Variants in MTARC2 observed in about 807,000 individuals in gnomAD.
The protein encoded by MTARC2 is MOCO sulphurase C-terminal domain containing 2.
Under a neutral mutation model 35.6 loss-of-function variants are expected in MTARC2, and 27 were observed. The observed-to-expected ratio is 0.76, with a 90% CI of 0.56 to 1.04. MTARC2 has a LOEUF of 1.04. Among genes scored for constraint, MTARC2 ranks in the 50% least tolerant of loss-of-function variants. The probability of loss-of-function intolerance (pLI) is 0.00; values close to 1 mark genes in which losing one functional copy is unlikely to be tolerated. For synonymous variants in MTARC2, 158 were observed against 167.1 expected (o/e 0.95, Z 0.42); for missense variants, 412 against 432.5 (o/e 0.95, Z 0.42).
chr1:220,768,554 C>G (rs1328174743), intron 4 of MTARC2, among the ~76,000 whole-genome samples: 1 of 152,152 alleles, frequency 6.6e-6, no homozygotes, highest in East Asian at 1.9e-4. Context: ...TATCAGCCAA[C>G]TACACAACTC....
chr1:220,765,470 T>G (rs2102555470), intron 4 of MTARC2, among the ~76,000 whole-genome samples: 1 of 152,328 alleles, frequency 6.6e-6, no homozygotes, highest in Non-Finnish European at 1.5e-5. Context: ...GCCTGTACAG[T>G]GTGCCAGGCA....
chr1:220,771,800 G>A (rs1671751694), intron 4 of MTARC2, among the ~76,000 whole-genome samples: 1 of 152,032 alleles, frequency 6.6e-6, no homozygotes, highest in African/African-American at 2.4e-5. Context: ...AATACCTAAT[G>A]CACGTGGGGC....
intron 4 of MTARC2, among the ~76,000 whole-genome samples, chr1:220,770,151 T>C (rs1168962946): frequency 6.6e-6 from 1 of 151,972 alleles, no homozygotes; most frequent in Non-Finnish European, 1.5e-5. Flanking sequence ...CAAAAACTCA[T>C]ATTGCACATG....
chr1:220,776,802 CA>C (rs1395248403), intron 4 of MTARC2, among the ~76,000 whole-genome samples: 1 of 152,204 alleles, frequency 6.6e-6, no homozygotes, highest in African/African-American at 2.4e-5. Context: ...CTCTCACACA[CA>C]AAAAATTGAA....
rs78152950 is a variant in MTARC2, at chr1:220,770,334, G to A, written c.750+7284G>A. The A allele has an allele frequency of 4.8e-3, 4,619 of 959,620 alleles. 33 individuals are homozygous for A. In the East Asian group the frequency reaches 0.056, roughly 12 times the overall value. The allele number at this position is 959,620 out of a possible 1,614,324, so 59.4% of individuals were successfully genotyped here. A position where few individuals can be genotyped will look rare whatever the true frequency, so the allele number is the denominator to read the frequency against. On this transcript the variant is annotated intron_variant, in intron 4 of 7. Transcript: ENST00000366913. The stretch of plus-strand genomic sequence containing the variant: ...TTCGAGGCAAGGACTTGGCCATTGA[G>A]TTGTGTTTATCAGGTCTCATCCACT...
chr1:220,781,855 A>C lies in MTARC2; in HGVS notation c.962A>C (p.Lys321Thr). Residue 321 changes from lysine to threonine, a missense_variant, in exon 7 of 8, where the codon AAA becomes ACA. Lys to Thr is a moderately conservative substitution (Grantham distance 78, BLOSUM62 -1). Transcript: ENST00000366913. ...PLFGIYYSVE[K>T]IGSLRVGDPV... ...TTTGGGATCTATTATTCAGTGGAAAAAATTGGAAGCCTGAGAGTTGGTGAC... is the reference window on the plus strand; with the variant it reads ...TTTGGGATCTATTATTCAGTGGAAACAATTGGAAGCCTGAGAGTTGGTGAC... The C allele has an allele frequency of 6.2e-7, 1 of 1,614,166 alleles. No individual in the cohort carries two copies. The highest frequency in any genetic ancestry group is 1.3e-5 in the African/African-American group (1 of 75,056).
Position 220,783,841 on chromosome 1 carries a change from T to G in MTARC2, c.*32-78T>G, listed in dbSNP as rs1021849588. The G allele has an allele frequency of 7.0e-6, 5 of 716,484 alleles. No individual in the cohort carries two copies. The Admixed American group carries it at 8.0e-5, about 11-fold the overall frequency. The allele number at this position is 716,484 out of a possible 1,614,324, so 44.4% of individuals were successfully genotyped here. A position where few individuals can be genotyped will look rare whatever the true frequency, so the allele number is the denominator to read the frequency against. ...TATATGTGTAACCTCAATAAGTGAC[T>G]GTTTTGTGGGAGTTTGAATTATTTA... On this transcript the variant is annotated intron_variant, in intron 7 of 7. Coordinates refer to ENST00000366913, the MANE Select transcript of MTARC2 (RefSeq NM_017898.5).
intron 4 of MTARC2, among the ~76,000 whole-genome samples, chr1:220,774,073 T>TC (rs1671822724): frequency 6.7e-6 from 1 of 149,258 alleles, no homozygotes; most frequent in Admixed American, 6.6e-5. Flanking sequence ...ACATCCTCGT[T>TC]TTTTTTTTTT....
At chr1:220,766,341 C>T (rs766988724) in intron 4 of MTARC2, among the ~76,000 whole-genome samples, 23 of 152,128 alleles carry the variant, frequency 1.5e-4, no homozygotes, top group Non-Finnish European at 3.1e-4. Context: ...GCCAGTAAAC[C>T]CACCTCCCCC....
chr1:220,763,784 G>A (rs1269917493), intron 4 of MTARC2, among the ~76,000 whole-genome samples: 3 of 152,196 alleles, frequency 2.0e-5, no homozygotes, highest in African/African-American at 7.2e-5. Flanking sequence ...TAGGCATTGA[G>A]CTAAATAATC....
At chr1:220,781,959 A>T (rs1258942645) in intron 7 of MTARC2, 27 bp downstream of exon 7, 1 of 1,575,452 alleles carries the variant, frequency 6.3e-7, no homozygotes, top group African/African-American at 1.4e-5. Flanking sequence ...GCTTCTGAAT[A>T]CGCTGTCTTG....
At chr1:220,770,003 A>G (rs1429605871) in intron 4 of MTARC2, among the ~76,000 whole-genome samples, 7 of 148,934 alleles carry the variant, frequency 4.7e-5, no homozygotes, top group Non-Finnish European at 8.9e-5. Flanking sequence ...GCTACTCGGG[A>G]GGCTGAGGCA....
At position 220,748,438 on chromosome 1, in the gene MTARC2, C is replaced by G. The variant is rs1254120799; in HGVS notation, c.-94C>G. On this transcript the variant is annotated 5_prime_UTR_variant, in exon 1 of 8. Coordinates refer to ENST00000366913, the MANE Select transcript of MTARC2 (RefSeq NM_017898.5). ...CGTAGTTGGGTCAACTTTGACTCCT[C>G]TCGCCTGCCCGGATCCTTAAGGGCC... 7 of 1,254,858 alleles carry G rather than the reference C, an allele frequency of 5.6e-6. No individual in the cohort carries two copies. The highest frequency in any genetic ancestry group is 8.5e-5 in the Admixed American group (2 of 23,394). 77.7% of individuals were successfully genotyped at this position (1,254,858 alleles called of 1,614,324 possible).
Position 220,764,088 on chromosome 1 carries a change from G to A in MTARC2, c.750+1038G>A, listed in dbSNP as rs549582539. Among the ~76,000 whole-genome samples, 176 of 151,890 alleles carry A rather than the reference G, an allele frequency of 1.2e-3. 1 individual carries two copies. The highest frequency in any genetic ancestry group is 4.1e-3 in the African/African-American group (169 of 41,428). On this transcript the variant is annotated intron_variant, in intron 4 of 7. Transcript: ENST00000366913. Reference sequence around the variant, plus strand: ...GTACTTCCTTTTGTGTGAGTAAAATGTGCCCTAATTTTTTTTTTTTTTTGA... The same window carrying A: ...GTACTTCCTTTTGTGTGAGTAAAATATGCCCTAATTTTTTTTTTTTTTTGA...
intron 6 of MTARC2, 106 bp from the exon 7 acceptor site, chr1:220,781,672 G>A (rs1253863029): frequency 8.6e-7 from 1 of 1,159,634 alleles, no homozygotes; most frequent in Non-Finnish European, 1.2e-6. Context: ...GAAAATTCTT[G>A]CTGTGTATTT....
intron 4 of MTARC2, among the ~76,000 whole-genome samples, chr1:220,763,603 A>G (rs1671499447): frequency 6.6e-6 from 1 of 152,148 alleles, no homozygotes; most frequent in Non-Finnish European, 1.5e-5. Flanking sequence ...AGGGAAAACT[A>G]CATCAGAACC....
Position 220,748,506 on chromosome 1 carries a change from C to T in MTARC2, c.-26C>T. The T allele has an allele frequency of 1.5e-6, 2 of 1,374,392 alleles. No homozygotes were observed. Among genetic ancestry groups the T allele is most frequent in the Non-Finnish European group, 9.3e-7 (1 of 1,075,066 alleles). The allele number at this position is 1,374,392 out of a possible 1,614,324, so 85.1% of individuals were successfully genotyped here. A position where few individuals can be genotyped will look rare whatever the true frequency, so the allele number is the denominator to read the frequency against. On this transcript the variant is annotated 5_prime_UTR_variant, in exon 1 of 8. Transcript: ENST00000366913. ...TCCGGTCGCTGCCGGGTCTGTGCGCCGGTCCGCGCCCGCCCTCGCTCTGCC... is the reference window on the plus strand; with the variant it reads ...TCCGGTCGCTGCCGGGTCTGTGCGCTGGTCCGCGCCCGCCCTCGCTCTGCC...
At chr1:220,765,666 C>T (rs538477480) in intron 4 of MTARC2, among the ~76,000 whole-genome samples, 1 of 152,288 alleles carries the variant, frequency 6.6e-6, no homozygotes, top group South Asian at 2.1e-4. Context: ...TCGAACTCCC[C>T]AGCTCAGGTG....
chr1:220,756,959 A>T (rs542046933), intron 2 of MTARC2, among the ~76,000 whole-genome samples: 1 of 152,218 alleles, frequency 6.6e-6, no homozygotes, highest in Non-Finnish European at 1.5e-5. Flanking sequence ...CTGGAGTGCA[A>T]TGGCACGATC....
Sources: allele counts gnomAD v4.1 joint callset (sites outside exome capture counted in the v4.1 genomes callset), GRCh38; gene constraint gnomAD v4.1.1; transcripts MANE v1.5; gene names NCBI Gene and HGNC (gene_info 2026-07-23, HGNC 2026-07-21).